The following ZFHX3 variants were observed in gnomAD, a reference collection of about 807,000 sequenced individuals.
ZFHX3 encodes zinc finger homeobox protein 3.
Under a neutral mutation model 279.1 loss-of-function variants are expected in ZFHX3, and 42 were observed. That is an observed-to-expected ratio of 0.15 (90% CI 0.12 to 0.19). The LOEUF (loss-of-function observed/expected upper bound fraction) is 0.19, where lower values mean the gene tolerates loss of function less well. Ranked by LOEUF, ZFHX3 falls within the 10% of genes least tolerant of loss-of-function variation. ZFHX3 has a pLI of 1.00. For missense variants in ZFHX3, 4,981 were observed against 4,754.0 expected (o/e 1.05, Z -1.40); for synonymous variants, 2,293 against 1,957.8 (o/e 1.17, Z -4.52).
intron 1 of ZFHX3, among the ~76,000 whole-genome samples, chr16:73,046,972 C>T (rs1259388455): frequency 1.3e-5 from 2 of 152,168 alleles, no homozygotes; most frequent in African/African-American, 2.4e-5. Flanking sequence ...ACAGGAGGTA[C>T]CACTGTGCCA....
At chr16:73,550,029 C>T (rs2020179794) in intron 2 of ZFHX3, among the ~76,000 whole-genome samples, 1 of 151,060 alleles carries the variant, frequency 6.6e-6, no homozygotes, top group African/African-American at 2.4e-5. Flanking sequence ...TTCAGACGGG[C>T]GAGGGGTGGG....
rs1455723711 is a variant in ZFHX3, at chr16:72,959,867, G to T, written c.279C>A (p.Thr93=). 3.7e-6 allele frequency: 6 copies of T among 1,603,808 alleles called. 1 individual carries two copies. The South Asian group carries it at 6.7e-5, about 18-fold the overall frequency. Residue 93 remains threonine, a synonymous_variant, in exon 2 of 10, where the codon ACC becomes ACA. Coordinates refer to ENST00000268489, the MANE Select transcript of ZFHX3 (RefSeq NM_006885.4). ...CGCTGGGGCAGTGGTGCTCCATGTA[G>T]GTCTGGAGGCTGGCAAAGGAGGCCG... ...ECSASFASLQ[T]YMEHHCPSAR...
intron 7 of ZFHX3, among the ~76,000 whole-genome samples, chr16:72,800,952 A>G (rs2036080963): frequency 6.6e-6 from 1 of 152,238 alleles, no homozygotes; most frequent in Non-Finnish European, 1.5e-5. Flanking sequence ...TTTTGGGCAG[A>G]GCCTCAGATA....
intron 1 of ZFHX3, among the ~76,000 whole-genome samples, chr16:73,888,669 C>G (rs1326687940): frequency 6.6e-6 from 1 of 152,180 alleles, no homozygotes; most frequent in East Asian, 1.9e-4. Flanking sequence ...TTCAATTGTT[C>G]AGATGCCGAT....
intron 6 of ZFHX3, among the ~76,000 whole-genome samples, chr16:73,136,771 G>T (rs1966804248): frequency 7.1e-6 from 1 of 140,412 alleles, no homozygotes; most frequent in African/African-American, 2.6e-5. Flanking sequence ...AAACTGCAAT[G>T]ACTTTTGCAC....
intron 1 of ZFHX3, among the ~76,000 whole-genome samples, chr16:73,833,141 T>C (rs528032227): frequency 2.6e-5 from 4 of 152,168 alleles, no homozygotes; most frequent in Non-Finnish European, 5.9e-5. Flanking sequence ...GGCAGAAGGA[T>C]TGCTCGAGGC....
intron 1 of ZFHX3, among the ~76,000 whole-genome samples, chr16:73,824,093 T>C (rs1001771746): frequency 2.0e-5 from 3 of 152,170 alleles, no homozygotes; most frequent in Non-Finnish European, 4.4e-5. Context: ...CTCAAATCAG[T>C]TAGAAAAACA....
intron 5 of ZFHX3, 134 bp from the exon 6 acceptor site, chr16:72,812,172 C>T (rs766442065): frequency 8.0e-7 from 1 of 1,252,450 alleles, no homozygotes; most frequent in Non-Finnish European, 1.1e-6. Context: ...GAAGGATGAA[C>T]ATCCGGACTG....
At chr16:73,192,029 T>TGTG (rs1027584410) in intron 5 of ZFHX3, among the ~76,000 whole-genome samples, 5 of 152,196 alleles carry the variant, frequency 3.3e-5, no homozygotes, top group African/African-American at 1.2e-4. Context: ...TACTTGGCTG[T>TGTG]GTGGTGGGGG....
chr16:73,891,748 C>G (rs1043720970), exon 1 of ZFHX3: 5 of 148,598 alleles, frequency 3.4e-5, no homozygotes, highest in African/African-American at 1.2e-4. Context: ...TTCTCTCTCT[C>G]TCTCTCTCTC....
At chr16:73,419,609 G>A (rs1239858442) in intron 3 of ZFHX3, among the ~76,000 whole-genome samples, 2 of 151,914 alleles carry the variant, frequency 1.3e-5, no homozygotes, top group Non-Finnish European at 2.9e-5. Flanking sequence ...TTTACTATAT[G>A]CCATATGATT....
At chr16:72,892,233 A>C (rs2038790396) in intron 3 of ZFHX3, among the ~76,000 whole-genome samples, 1 of 152,204 alleles carries the variant, frequency 6.6e-6, no homozygotes, top group South Asian at 2.1e-4. Flanking sequence ...AATGACATAA[A>C]CTGGCTAAAG....
At chr16:72,817,221 T>C (rs2036634454) in intron 5 of ZFHX3, among the ~76,000 whole-genome samples, 2 of 152,244 alleles carry the variant, frequency 1.3e-5, no homozygotes, top group South Asian at 2.1e-4. Context: ...AAAACCATTC[T>C]TGCTAGAACA....
At chr16:73,464,881 A>T (rs1042178746) in intron 2 of ZFHX3, among the ~76,000 whole-genome samples, 2 of 152,172 alleles carry the variant, frequency 1.3e-5, no homozygotes, top group East Asian at 3.9e-4. Flanking sequence ...ATCGAAGGCT[A>T]TGGCATGGTT....
At chr16:73,359,155 G>A (rs1240761352) in intron 3 of ZFHX3, among the ~76,000 whole-genome samples, 1 of 149,314 alleles carries the variant, frequency 6.7e-6, no homozygotes, top group African/African-American at 2.5e-5. Context: ...TGTTCTTTAG[G>A]TTCTAAAAGA....
intron 1 of ZFHX3, among the ~76,000 whole-genome samples, chr16:73,731,916 G>A (rs1434004106): frequency 2.6e-5 from 4 of 152,170 alleles, no homozygotes; most frequent in Non-Finnish European, 5.9e-5. Context: ...ATAACAATTT[G>A]TAAAATGGAC....
chr16:73,402,281 C>A (rs1324637254), intron 3 of ZFHX3: 1 of 152,202 alleles, frequency 6.6e-6, no homozygotes, highest in Non-Finnish European at 1.5e-5. Flanking sequence ...CCAAAGGGAA[C>A]CCTTGTTTCC....
At chr16:73,164,812 TA>T (rs1419952123) in intron 5 of ZFHX3, among the ~76,000 whole-genome samples, 1 of 152,214 alleles carries the variant, frequency 6.6e-6, no homozygotes, top group Non-Finnish European at 1.5e-5. Flanking sequence ...TTTATGTGTT[TA>T]ATCCTCACAA....
chr16:73,428,319 C>A (rs1222410172), intron 3 of ZFHX3, among the ~76,000 whole-genome samples: 2 of 152,188 alleles, frequency 1.3e-5, no homozygotes, highest in Non-Finnish European at 2.9e-5. Flanking sequence ...GCTAAGAAAA[C>A]AGCCTCAACT....
Sources: allele counts gnomAD v4.1 joint callset (sites outside exome capture counted in the v4.1 genomes callset), GRCh38; gene constraint gnomAD v4.1.1; transcripts MANE v1.5; gene names NCBI Gene and HGNC (gene_info 2026-07-23, HGNC 2026-07-21).